SH3YL1: variants seen among roughly 807,000 people sequenced by gnomAD.
SH3YL1 encodes SH3 domain-containing YSC84-like protein 1.
Under a neutral mutation model 45.8 loss-of-function variants are expected in SH3YL1, and 41 were observed. The ratio of observed to expected loss-of-function variants is 0.89; its 90% CI spans 0.70 to 1.16. The LOEUF (loss-of-function observed/expected upper bound fraction) is 1.16. Ranked by LOEUF, SH3YL1 falls within the 50% of genes most tolerant of loss-of-function variation. The pLI is 0.00. For synonymous variants in SH3YL1, 152 were observed against 151.4 expected (o/e 1.00, Z -0.03); for missense variants, 389 against 409.6 (o/e 0.95, Z 0.43).
intron 1 of SH3YL1, among the ~76,000 whole-genome samples, chr2:255,386 G>T (rs1478513897): frequency 6.6e-6 from 1 of 152,188 alleles, no homozygotes; most frequent in African/African-American, 2.4e-5. Context: ...TTGAGGCCAG[G>T]AGTTCGAGAC....
At chr2:232,109 T>C (rs868597994) in intron 6 of SH3YL1, among the ~76,000 whole-genome samples, 1 of 152,212 alleles carries the variant, frequency 6.6e-6, no homozygotes, top group African/African-American at 2.4e-5. Flanking sequence ...TCTTTATCTC[T>C]TTCTGGGCCT....
chr2:264,013 C>G lies in SH3YL1; in HGVS notation c.-29G>C. On this transcript the variant is annotated 5_prime_UTR_variant, in exon 1 of 10. Transcript: ENST00000356150. ...GCCCGCCCGGCCGCGGCGCCCCGTC[C>G]CGAGGCTGCCCAGGAAGAGGAAGGC... 1.4e-6 allele frequency: 2 copies of G among 1,436,334 alleles called. No homozygotes were observed. The highest frequency in any genetic ancestry group is 9.2e-7 in the Non-Finnish European group (1 of 1,088,732). 89.0% of individuals were successfully genotyped at this position (1,436,334 alleles called of 1,614,324 possible). A position where few individuals can be genotyped will look rare whatever the true frequency, so the allele number is the denominator to read the frequency against.
chr2:233,369 T>C, intron 5 of SH3YL1, 140 bp from the exon 6 acceptor site: 3 of 947,146 alleles, frequency 3.2e-6, no homozygotes, highest in East Asian at 3.1e-5. Flanking sequence ...TTACTTACTG[T>C]AGGCCTAAAT....
At chr2:230,912 A>C (rs2306060) in intron 7 of SH3YL1, 111 bp downstream of exon 7, 318,415 of 981,986 alleles carry the variant, frequency 0.32, 53,021 homozygotes, top group Non-Finnish European at 0.34. Context: ...GAAGTCAGTG[A>C]AACTACGAAG....
At chr2:220,573 C>A (rs1357119192) in intron 9 of SH3YL1, among the ~76,000 whole-genome samples, 2 of 152,236 alleles carry the variant, frequency 1.3e-5, no homozygotes, top group Non-Finnish European at 2.9e-5. Context: ...TTAAATTCTA[C>A]ACGTTAATGA....
intron 9 of SH3YL1, among the ~76,000 whole-genome samples, chr2:221,163 T>C (rs1193756512): frequency 6.6e-6 from 1 of 152,162 alleles, no homozygotes; most frequent in East Asian, 1.9e-4. Context: ...ATGAAGCTTG[T>C]CTCCAGGTCA....
At chr2:263,903 T>C in intron 1 of SH3YL1, 81 bp downstream of exon 1, 1 of 1,265,072 alleles carries the variant, frequency 7.9e-7, no homozygotes, top group Non-Finnish European at 1.1e-6. Flanking sequence ...ATCGCCGGTT[T>C]TCCCGTCCTC....
chr2:219,070 A>G, intron 9 of SH3YL1, 69 bp from the exon 10 acceptor site: 1 of 1,346,406 alleles, frequency 7.4e-7, no homozygotes, highest in Non-Finnish European at 1.0e-6. Context: ...TGCTGGTAAG[A>G]TAAAAATTAA....
intron 4 of SH3YL1, chr2:241,727 A>G (rs1204618114): frequency 2.0e-5 from 3 of 152,116 alleles, no homozygotes; most frequent in Non-Finnish European, 4.4e-5. Flanking sequence ...TAGACTTCAG[A>G]AAACAGTAGG....
At chr2:227,889 ATG>A (rs3070147) in intron 8 of SH3YL1, among the ~76,000 whole-genome samples, 44,269 of 150,668 alleles carry the variant, frequency 0.29, 6,693 homozygotes, top group Non-Finnish European at 0.34. Flanking sequence ...CCATAAAATT[ATG>A]TGTGTGTGTG....
At chr2:219,049 T>C (rs371664575) in intron 9 of SH3YL1, 48 bp from the exon 10 acceptor site, 261 of 1,516,058 alleles carry the variant, frequency 1.7e-4, no homozygotes, top group Non-Finnish European at 2.1e-4. Context: ...AAGGGAGAAA[T>C]TGGGGGTATC....
chr2:251,673 G>A (rs7609512), intron 2 of SH3YL1, among the ~76,000 whole-genome samples: 96,238 of 151,984 alleles, frequency 0.63, 31,525 homozygotes, highest in East Asian at 0.83. Flanking sequence ...GATTTGTGAC[G>A]TCTGAGCAGA....
chr2:224,818 C>T (rs1667724678), intron 9 of SH3YL1, 46 bp downstream of exon 9: 1 of 1,400,990 alleles, frequency 7.1e-7, no homozygotes, highest in Non-Finnish European at 1.0e-6. Flanking sequence ...TTTGTGATCA[C>T]AAAATGAATA....
At chr2:226,785 G>T (rs1667800915) in intron 8 of SH3YL1, among the ~76,000 whole-genome samples, 1 of 150,510 alleles carries the variant, frequency 6.6e-6, no homozygotes, top group East Asian at 1.9e-4. Context: ...TGTATATATG[G>T]TGGGGAGTGT....
At chr2:235,457 C>T (rs1668251220) in intron 4 of SH3YL1, among the ~76,000 whole-genome samples, 1 of 39,756 alleles carries the variant, frequency 2.5e-5, no homozygotes, top group Admixed American at 2.1e-4. Flanking sequence ...GGGGAGGCAA[C>T]AGCATGGGCC....
chr2:243,361 T>C (rs1219773343), intron 4 of SH3YL1: 3 of 847,316 alleles, frequency 3.5e-6, no homozygotes, highest in East Asian at 3.0e-5. Context: ...AAATTTGAAA[T>C]CAAGGACAAG....
chr2:237,208 G>C (rs1668343868), intron 4 of SH3YL1, among the ~76,000 whole-genome samples: 1 of 151,824 alleles, frequency 6.6e-6, no homozygotes, highest in Non-Finnish European at 1.5e-5. Context: ...TTCCGCTTCT[G>C]CTTGGTACAT....
intron 4 of SH3YL1, among the ~76,000 whole-genome samples, chr2:238,768 T>C (rs1572159016): frequency 6.6e-6 from 1 of 152,180 alleles, no homozygotes; most frequent in East Asian, 1.9e-4. Flanking sequence ...CTTTCACGAC[T>C]TCACTTCTCA....
At position 233,183 on chromosome 2, in the gene SH3YL1, TGAAGAC is replaced by T. The variant is rs770125442; in HGVS notation, c.445_450del (p.Val149_Phe150del). On this transcript the variant is annotated inframe_deletion, in exon 6 of 10. Transcript: ENST00000356150. ...AAGAGTCCCCTTGACTTGCAGTACG[TGAAGAC>T]GGCAGCGGAGCTTCTCAGGGCCACG... 1.9e-6 allele frequency: 3 copies of T among 1,595,758 alleles called. No homozygotes were observed. The highest frequency in any genetic ancestry group is 1.3e-5 in the African/African-American group (1 of 74,618).
Sources: allele counts gnomAD v4.1 joint callset (sites outside exome capture counted in the v4.1 genomes callset), GRCh38; gene constraint gnomAD v4.1.1; transcripts MANE v1.5; gene names NCBI Gene and HGNC (gene_info 2026-07-23, HGNC 2026-07-21).